The following CCSER1 variants were observed in gnomAD, a reference collection of about 807,000 sequenced individuals.
CCSER1 encodes serine-rich coiled-coil domain-containing protein 1.
CCSER1 carries 41 observed loss-of-function variants against 82.0 expected under a neutral mutation model. That is an observed-to-expected ratio of 0.50 (90% confidence interval 0.39 to 0.65). The LOEUF (loss-of-function observed/expected upper bound fraction) is 0.65, where lower values mean the gene tolerates loss of function less well. Among genes scored for constraint, CCSER1 ranks in the 30% least tolerant of loss-of-function variants. CCSER1 has a pLI of 0.00. For synonymous variants in CCSER1, 414 were observed against 383.9 expected, an observed-to-expected ratio of 1.08 and a Z score of -0.92; for missense variants, 1,119 against 1,064.2, an observed-to-expected ratio of 1.05 and a Z score of -0.72.
intron 6 of CCSER1, among the ~76,000 whole-genome samples, chr4:90,721,898 T>C (rs1742747995): frequency 6.6e-6 from 1 of 151,464 alleles, no homozygotes; most frequent in African/African-American, 2.4e-5. Flanking sequence ...TATCTCAATA[T>C]TTCCTCAGAA....
rs574817381 is a variant in CCSER1, at chr4:90,956,846, A to G, written c.2172+33399A>G. 3.4e-5 allele frequency among the ~76,000 whole-genome samples: 5 copies of G among 148,222 alleles called. No individual in the cohort carries two copies. In the East Asian group the frequency reaches 8.0e-4, roughly 24 times the overall value. On this transcript the variant is annotated intron_variant, in intron 9 of 10. Transcript: ENST00000509176. ...GAGTGCAGTGGCCTGATCACAGTTCACTGAAGCTTTGAACTCCTGAGCTCA... is the reference window on the plus strand; with the variant it reads ...GAGTGCAGTGGCCTGATCACAGTTCGCTGAAGCTTTGAACTCCTGAGCTCA...
intron 9 of CCSER1, among the ~76,000 whole-genome samples, chr4:91,078,733 T>G (rs1476442261): frequency 6.6e-6 from 1 of 152,150 alleles, no homozygotes; most frequent in African/African-American, 2.4e-5. Flanking sequence ...GAGAAGTCCT[T>G]AAATGACCTG....
intron 9 of CCSER1, among the ~76,000 whole-genome samples, chr4:91,044,841 A>G (rs959234019): frequency 1.3e-5 from 2 of 152,150 alleles, no homozygotes; most frequent in Admixed American, 6.6e-5. Context: ...AATAAGTGCT[A>G]TTTTTCTTGC....
chr4:91,221,325 TTAAA>T (rs1213513541), intron 10 of CCSER1, among the ~76,000 whole-genome samples: 4 of 152,174 alleles, frequency 2.6e-5, no homozygotes, highest in Admixed American at 6.5e-5. Context: ...TATGATTTCT[TTAAA>T]TAAGTTATCA....
rs189946251 is a variant in CCSER1, at chr4:90,812,046, A to G, written c.2011-3716A>G. Among the ~76,000 whole-genome samples, 18 of 151,322 alleles carry G rather than the reference A, an allele frequency of 1.2e-4. No homozygotes were observed. In the East Asian group the frequency reaches 3.1e-3, roughly 26 times the overall value. Reference sequence around the variant, plus strand: ...ATTAACTCACATGATTACAAGGTCCACAATAGGCCATCTGCAGGCTGAGAA... The same window carrying G: ...ATTAACTCACATGATTACAAGGTCCGCAATAGGCCATCTGCAGGCTGAGAA... On this transcript the variant is annotated intron_variant, in intron 7 of 10. Coordinates refer to ENST00000509176, the MANE Select transcript of CCSER1 (RefSeq NM_001145065.2).
chr4:91,059,872 A>G (rs1475690004), intron 9 of CCSER1, among the ~76,000 whole-genome samples: 1 of 152,018 alleles, frequency 6.6e-6, no homozygotes, highest in Non-Finnish European at 1.5e-5. Flanking sequence ...CTCTATTTCC[A>G]GCCTCTAAAA....
chr4:90,340,509 A>C (rs1442535663), intron 3 of CCSER1, among the ~76,000 whole-genome samples: 2 of 152,188 alleles, frequency 1.3e-5, no homozygotes, highest in Non-Finnish European at 2.9e-5. Context: ...TAAAAATCAG[A>C]CATTTTGGCA....
chr4:90,615,614 T>C (rs563676797), intron 5 of CCSER1, among the ~76,000 whole-genome samples: 113 of 151,954 alleles, frequency 7.4e-4, no homozygotes, highest in Non-Finnish European at 1.2e-3. Flanking sequence ...ACCCTGAATA[T>C]GTAACTGAAT....
At chr4:91,222,195 T>C (rs1195050773) in intron 10 of CCSER1, among the ~76,000 whole-genome samples, 1 of 151,004 alleles carries the variant, frequency 6.6e-6, no homozygotes, top group African/African-American at 2.4e-5. Flanking sequence ...GATTATGCTC[T>C]GCAAGACAAG....
intron 10 of CCSER1, among the ~76,000 whole-genome samples, chr4:91,273,229 G>A (rs746326303): frequency 9.9e-5 from 15 of 152,124 alleles, no homozygotes; most frequent in Admixed American, 5.9e-4. Flanking sequence ...CCATCCGTGA[G>A]CATAGGATGG....
chr4:90,630,503 C>T (rs114176552), intron 6 of CCSER1, among the ~76,000 whole-genome samples: 2,111 of 152,018 alleles, frequency 0.014, 47 homozygotes, highest in African/African-American at 0.049. Flanking sequence ...AAGGGGTATT[C>T]GAAGAAGCTG....
At chr4:91,105,932 CAA>C (rs1238745615) in intron 10 of CCSER1, among the ~76,000 whole-genome samples, 1 of 151,836 alleles carries the variant, frequency 6.6e-6, no homozygotes, top group Non-Finnish European at 1.5e-5. Flanking sequence ...GCAGAAACAT[CAA>C]AGTGTTTTGT....
chr4:91,187,708 A>G (rs1200763113), intron 10 of CCSER1, among the ~76,000 whole-genome samples: 1 of 152,090 alleles, frequency 6.6e-6, no homozygotes, highest in African/African-American at 2.4e-5. Context: ...TGCTGCTACC[A>G]TGACCGGCTA....
intron 7 of CCSER1, among the ~76,000 whole-genome samples, chr4:90,753,077 T>C (rs1211084251): frequency 2.0e-5 from 3 of 152,184 alleles, no homozygotes; most frequent in Non-Finnish European, 4.4e-5. Context: ...GCACATGATG[T>C]GAGAGAAACC....
chr4:90,947,093 C>G (rs907252641), intron 9 of CCSER1, among the ~76,000 whole-genome samples: 2 of 152,168 alleles, frequency 1.3e-5, no homozygotes, highest in African/African-American at 4.8e-5. Context: ...TATAATACTT[C>G]TACTCATATT....
chr4:90,871,462 C>T (rs1766488988), intron 8 of CCSER1, among the ~76,000 whole-genome samples: 1 of 151,720 alleles, frequency 6.6e-6, no homozygotes, highest in African/African-American at 2.4e-5. Flanking sequence ...TTTCCATGGG[C>T]TTGTGTAGTT....
At chr4:90,694,678 C>A (rs950752854) in intron 6 of CCSER1, among the ~76,000 whole-genome samples, 13 of 151,812 alleles carry the variant, frequency 8.6e-5, no homozygotes, top group African/African-American at 3.1e-4. Flanking sequence ...CTCACAAAAT[C>A]TTTTTTCAGT....
At chr4:91,218,458 A>G (rs1337839195) in intron 10 of CCSER1, among the ~76,000 whole-genome samples, 2 of 152,204 alleles carry the variant, frequency 1.3e-5, no homozygotes, top group African/African-American at 4.8e-5. Context: ...AAATGCCGCC[A>G]AAGTGGGAGC....
intron 6 of CCSER1, among the ~76,000 whole-genome samples, chr4:90,647,706 G>A (rs1054648826): frequency 1.3e-5 from 2 of 151,952 alleles, no homozygotes; most frequent in Admixed American, 1.3e-4. Flanking sequence ...TTGTAGAGTC[G>A]GGTGTAGGAG....
Sources: allele counts gnomAD v4.1 joint callset (sites outside exome capture counted in the v4.1 genomes callset), GRCh38; gene constraint gnomAD v4.1.1; transcripts MANE v1.5; gene names NCBI Gene and HGNC (gene_info 2026-07-23, HGNC 2026-07-21).